The following PGGT1B variants were observed in gnomAD, a reference collection of about 807,000 sequenced individuals.
PGGT1B encodes the protein geranylgeranyl transferase type-1 subunit beta.
PGGT1B carries 30 observed loss-of-function variants against 46.1 expected under a neutral mutation model. The observed-to-expected ratio is 0.65, with a 90% CI of 0.49 to 0.88. The LOEUF (loss-of-function observed/expected upper bound fraction) is 0.88. PGGT1B is among the 40% of genes least tolerant of loss of function. PGGT1B has a pLI of 0.00. For synonymous variants in PGGT1B, 170 were observed against 160.0 expected, an observed-to-expected ratio of 1.06 and a Z score of -0.47; for missense variants, 376 against 455.9, an observed-to-expected ratio of 0.82 and a Z score of 1.60.
intron 5 of PGGT1B, among the ~76,000 whole-genome samples, chr5:115,233,222 A>G (rs1757052416): frequency 2.0e-5 from 3 of 151,938 alleles, no homozygotes; most frequent in Admixed American, 2.0e-4. Context: ...TCAAATACAT[A>G]CCCTCAAACA....
In PGGT1B at chr5:115,212,328, T is replaced by C; in HGVS notation, c.*74A>G. ...TCTACCTTTTAAAAAAAGAGCACAC[T>C]TGGTTATACATGGCTTTTAAACTTG... is the stretch of plus-strand genomic sequence containing the variant. On this transcript the variant is annotated 3_prime_UTR_variant, in exon 9 of 9. Transcript: ENST00000419445. The C allele has an allele frequency of 6.3e-7, 1 of 1,597,632 alleles. No individual in the cohort carries two copies. The highest frequency in any genetic ancestry group is 8.5e-7 in the Non-Finnish European group (1 of 1,172,978).
At chr5:115,233,488 A>G (rs1341156446) in intron 5 of PGGT1B, among the ~76,000 whole-genome samples, 1 of 151,488 alleles carries the variant, frequency 6.6e-6, no homozygotes, top group Non-Finnish European at 1.5e-5. Flanking sequence ...AAAGAAGGTC[A>G]GGCAAAAAAA....
intron 2 of PGGT1B, among the ~76,000 whole-genome samples, chr5:115,245,619 C>G (rs1747799519): frequency 6.6e-6 from 1 of 152,154 alleles, no homozygotes; most frequent in African/African-American, 2.4e-5. Context: ...AAACAGTAAC[C>G]ATTCAAAATC....
chr5:115,234,758 T>C (rs1430295624), intron 5 of PGGT1B, among the ~76,000 whole-genome samples: 2 of 151,962 alleles, frequency 1.3e-5, no homozygotes, highest in Non-Finnish European at 2.9e-5. Flanking sequence ...GAGTCATAAA[T>C]GAAAGGACGA....
At chr5:115,218,218 T>C (rs754993314) in intron 7 of PGGT1B, among the ~76,000 whole-genome samples, 7 of 151,734 alleles carry the variant, frequency 4.6e-5, no homozygotes, top group Non-Finnish European at 1.0e-4. Flanking sequence ...AAGAAGTCAG[T>C]CTGTGATTTA....
intron 7 of PGGT1B, among the ~76,000 whole-genome samples, chr5:115,218,008 G>A (rs1309897971): frequency 6.6e-6 from 1 of 151,798 alleles, no homozygotes; most frequent in Non-Finnish European, 1.5e-5. Context: ...TGAAAGATGT[G>A]ATTATTAATA....
At position 115,212,586 on chromosome 5, in the gene PGGT1B, G is replaced by A. The variant is rs1476080461; in HGVS notation, c.953-3C>T. 2 of 1,591,490 alleles carry A rather than the reference G, an allele frequency of 1.3e-6. No individual in the cohort carries two copies. Among genetic ancestry groups the A allele is most frequent in the Non-Finnish European group, 1.7e-6 (2 of 1,169,190 alleles). ...CCCAAAGTATGCATGCAAAGCATCT[G>A]AAAAGAAGGCATTTAAAACATCATA... On this transcript the variant is annotated splice_region_variant and splice_polypyrimidine_tract_variant and intron_variant, in intron 8 of 8. Coordinates refer to ENST00000419445, the MANE Select transcript of PGGT1B (RefSeq NM_005023.4).
chr5:115,257,596 A>C (rs1442127799), intron 1 of PGGT1B, among the ~76,000 whole-genome samples: 1 of 151,458 alleles, frequency 6.6e-6, no homozygotes, highest in Non-Finnish European at 1.5e-5. Flanking sequence ...AAAAGAACTT[A>C]GTCATACTGA....
intron 5 of PGGT1B, among the ~76,000 whole-genome samples, chr5:115,235,298 G>C (rs1338211121): frequency 6.6e-6 from 1 of 152,010 alleles, no homozygotes; most frequent in Non-Finnish European, 1.5e-5. Flanking sequence ...AATAAATGCA[G>C]AGAGAAAGTT....
intron 2 of PGGT1B, among the ~76,000 whole-genome samples, chr5:115,243,146 G>A (rs1561481605): frequency 6.6e-6 from 1 of 151,270 alleles, no homozygotes; most frequent in Non-Finnish European, 1.5e-5. Flanking sequence ...CTTTTAAATT[G>A]GTAAGCTACT....
Position 115,206,660 on chromosome 5 carries a change from ATG to A in PGGT1B, c.*5740_*5741del, listed in dbSNP as rs1491564627. On this transcript the variant is annotated 3_prime_UTR_variant, in exon 9 of 9. Transcript: ENST00000419445. Reference sequence around the variant, plus strand: ...TATTGAGTTACATAAATGTATCATAATGTGTCTTATTTTTCACAATTACAAAA... The same window carrying A: ...TATTGAGTTACATAAATGTATCATAATGTCTTATTTTTCACAATTACAAAA... 6 of 151,762 alleles carry A rather than the reference ATG, an allele frequency of 4.0e-5. No homozygotes were observed. The highest frequency in any genetic ancestry group is 1.4e-4 in the African/African-American group (6 of 41,418). The allele number at this position is 151,762 out of a possible 1,614,324, so 9.4% of individuals were successfully genotyped here.
At position 115,211,598 on chromosome 5, in the gene PGGT1B, C is replaced by CAAAAAAAAAAA; in HGVS notation, c.*793_*803dup. The stretch of plus-strand genomic sequence containing the variant: ...AAAAGATTGTTTTCTTCCTAGAAAG[C>CAAAAAAAAAAA]AAAAAAAAAAAAAAAAAAAAAAAGG... On this transcript the variant is annotated 3_prime_UTR_variant, in exon 9 of 9. Coordinates refer to ENST00000419445, the MANE Select transcript of PGGT1B (RefSeq NM_005023.4). The CAAAAAAAAAAA allele has an allele frequency of 2.7e-5, 2 of 72,854 alleles. No homozygotes were observed. The highest frequency in any genetic ancestry group is 5.5e-4 in the South Asian group (1 of 1,820). The allele number at this position is 72,854 out of a possible 1,614,324, so 4.5% of individuals were successfully genotyped here.
chr5:115,244,509 C>A (rs565160512), intron 2 of PGGT1B, among the ~76,000 whole-genome samples: 28 of 147,176 alleles, frequency 1.9e-4, no homozygotes, highest in African/African-American at 7.0e-4. Flanking sequence ...ACCTAACACA[C>A]CCCCCATATT....
chr5:115,223,714 C>T (rs1345925046), intron 6 of PGGT1B, among the ~76,000 whole-genome samples: 2 of 151,980 alleles, frequency 1.3e-5, no homozygotes, highest in East Asian at 1.9e-4. Context: ...GTTATGGCAG[C>T]GATAGAAAAC....
At chr5:115,216,757 T>C in intron 8 of PGGT1B, 108 bp downstream of exon 8, 1 of 685,756 alleles carries the variant, frequency 1.5e-6, no homozygotes, top group Non-Finnish European at 2.6e-6. Flanking sequence ...TTATTTAATG[T>C]AACTTTGCAA....
chr5:115,231,589 A>C (rs1228913110), intron 5 of PGGT1B: 1 of 152,108 alleles, frequency 6.6e-6, no homozygotes, highest in African/African-American at 2.4e-5. Flanking sequence ...CAGAAAAAGA[A>C]ACATCAAATC....
intron 2 of PGGT1B, among the ~76,000 whole-genome samples, chr5:115,247,917 T>A (rs973991888): frequency 6.6e-6 from 1 of 152,156 alleles, no homozygotes; most frequent in African/African-American, 2.4e-5. Context: ...TAAATGAACA[T>A]TGTAAAACCA....
At chr5:115,212,695 G>C (rs1047491869) in intron 8 of PGGT1B, 112 bp from the exon 9 acceptor site, 11 of 660,728 alleles carry the variant, frequency 1.7e-5, no homozygotes, top group African/African-American at 1.3e-4. Flanking sequence ...TAAGTTTAGA[G>C]AAATGCTAAT....
chr5:115,237,567 G>T lies in PGGT1B; in HGVS notation c.479+291C>A, dbSNP rs553487997. Among the ~76,000 whole-genome samples, 17 of 152,206 alleles carry T rather than the reference G, an allele frequency of 1.1e-4. 1 individual carries two copies. The South Asian group carries it at 2.5e-3, about 22-fold the overall frequency. ...CTTCAAAATATCAATTTTTCATCTA[G>T]AATGTAAATTAGATTCCAATCCTGA... On this transcript the variant is annotated intron_variant, in intron 4 of 8. Transcript: ENST00000419445.
Sources: allele counts gnomAD v4.1 joint callset (sites outside exome capture counted in the v4.1 genomes callset), GRCh38; gene constraint gnomAD v4.1.1; transcripts MANE v1.5; gene names NCBI Gene and HGNC (gene_info 2026-07-23, HGNC 2026-07-21).